Variants in ODF2 observed in about 807,000 individuals in gnomAD.
ODF2 encodes the protein outer dense fiber protein 2.
In ODF2, 47 loss-of-function variants were observed where a neutral mutation model predicts 110.2. That is an observed-to-expected ratio of 0.43 (90% CI 0.34 to 0.54). The LOEUF is 0.54. Ranked by LOEUF, ODF2 falls within the 20% of genes least tolerant of loss-of-function variation. ODF2 has a pLI of 0.03. For synonymous variants in ODF2, 352 were observed against 397.7 expected (o/e 0.89, Z 1.37); for missense variants, 812 against 1,054.5 (o/e 0.77, Z 3.19).
intron 3 of ODF2, among the ~76,000 whole-genome samples, chr9:128,459,889 A>G (rs1835966846): frequency 6.6e-6 from 1 of 152,128 alleles, no homozygotes; most frequent in Non-Finnish European, 1.5e-5. Context: ...GCCAAATCCT[A>G]AAATCTTGAG....
chr9:128,472,834 G>A (rs1242375521), intron 6 of ODF2, 79 bp from the exon 7 acceptor site: 6 of 1,598,134 alleles, frequency 3.8e-6, no homozygotes, highest in Non-Finnish European at 5.1e-6. Flanking sequence ...GAGCCCCCTA[G>A]GGCATTGTGA....
chr9:128,492,583 C>T (rs764530062), intron 15 of ODF2, 47 bp downstream of exon 15: 6 of 1,522,804 alleles, frequency 3.9e-6, no homozygotes, highest in Middle Eastern at 1.7e-4. Context: ...GCCCTCCCTG[C>T]CCCCATCAGA....
intron 1 of ODF2, 68 bp downstream of exon 1, chr9:128,456,323 CACCCCCGGCGCGGTCG>C (rs1834763371): frequency 5.4e-6 from 8 of 1,473,672 alleles, no homozygotes; most frequent in Middle Eastern, 2.4e-4. Flanking sequence ...GTCGCCTTCG[CACCCCCGGCGCGGTCG>C]ACCCCGCGGG....
chr9:128,466,397 G>A lies in ODF2; in HGVS notation c.250-2786G>A, dbSNP rs538785371. On this transcript the variant is annotated intron_variant, in intron 4 of 20. Coordinates refer to ENST00000604420, the Ensembl canonical transcript of ODF2. Reference sequence around the variant, plus strand: ...TGTAAGGATGGGTTGAGCCTGGGAGGCAGAGGTTGCAGTGAACCAAAGTTG... The same window carrying A: ...TGTAAGGATGGGTTGAGCCTGGGAGACAGAGGTTGCAGTGAACCAAAGTTG... Among the ~76,000 whole-genome samples, 12 of 151,794 alleles carry A rather than the reference G, an allele frequency of 7.9e-5. No homozygotes were observed. The East Asian group carries it at 1.2e-3, about 15-fold the overall frequency.
chr9:128,487,447 A>G (rs1843589763), intron 13 of ODF2, among the ~76,000 whole-genome samples: 1 of 152,038 alleles, frequency 6.6e-6, no homozygotes, highest in African/African-American at 2.4e-5. Flanking sequence ...ATATTGAGTG[A>G]TGAGAACGCT....
At chr9:128,456,839 C>A (rs1257178466) in intron 1 of ODF2, 2 of 1,297,258 alleles carry the variant, frequency 1.5e-6, no homozygotes, top group Non-Finnish European at 9.8e-7. Flanking sequence ...CGCGGCGGGG[C>A]GCCCGGGGCC....
Position 128,473,254 on chromosome 9 carries a change from C to A in ODF2, c.711+212C>A, listed in dbSNP as rs372595940. The A allele has an allele frequency of 2.1e-5, 21 of 985,122 alleles. No homozygotes were observed. In the East Asian group the frequency reaches 4.6e-4, roughly 21 times the overall value. 61.0% of individuals were successfully genotyped at this position (985,122 alleles called of 1,614,324 possible). On this transcript the variant is annotated intron_variant, in intron 7 of 20. Coordinates refer to ENST00000604420, the Ensembl canonical transcript of ODF2. ...CTGGTCACCAGGGCCTCTGAGGAGACCTCATCATGGGTCTCCTGGGATCAC... is the reference window on the plus strand; with the variant it reads ...CTGGTCACCAGGGCCTCTGAGGAGAACTCATCATGGGTCTCCTGGGATCAC...
chr9:128,499,996 G>T (rs1380338524), intron 20 of ODF2, 71 bp from the exon 21 acceptor site: 1 of 1,553,872 alleles, frequency 6.4e-7, no homozygotes, highest in African/African-American at 1.4e-5. Context: ...TCCTAAGAAA[G>T]TCCCTATGTC....
intron 1 of ODF2, chr9:128,456,543 CT>C: frequency 1.3e-6 from 2 of 1,527,690 alleles, no homozygotes; most frequent in Non-Finnish European, 1.7e-6. Context: ...ACCTTTCTCT[CT>C]ATGGGCAGAA....
At chr9:128,488,474 G>T (rs551463436) in intron 14 of ODF2, among the ~76,000 whole-genome samples, 9 of 152,260 alleles carry the variant, frequency 5.9e-5, no homozygotes, top group African/African-American at 2.2e-4. Context: ...CTGCTTCCTG[G>T]CTGTAGGACC....
At chr9:128,459,219 G>A (rs1233066712) in intron 2 of ODF2, among the ~76,000 whole-genome samples, 1 of 152,194 alleles carries the variant, frequency 6.6e-6, no homozygotes, top group Non-Finnish European at 1.5e-5. Flanking sequence ...ACTGTCCTGG[G>A]TGCTTCTACC....
rs746339937 is a variant in ODF2, at chr9:128,469,265, A to C, written c.332A>C (p.Glu111Ala). ...ATGCGGTTAAGTGACCTCTCTACAG[A>C]AGATGATGACTCAGGTCACTGTAAA... The change falls in exon 5 of 21, where the codon GAA becomes GCA. Residue 111 changes from glutamate to alanine, a missense_variant. By Grantham distance (107) the Glu-to-Ala change is moderately radical. This residue lies in a region of ODF2 where 219 missense variants were observed against 321.3 expected (regional missense o/e 0.68). Coordinates refer to ENST00000604420, the Ensembl canonical transcript of ODF2. The C allele has an allele frequency of 2.5e-6, 4 of 1,614,126 alleles. No homozygotes were observed. Among genetic ancestry groups the C allele is most frequent in the Non-Finnish European group, 3.4e-6 (4 of 1,179,956 alleles).
intron 11 of ODF2, 39 bp from the exon 12 acceptor site, chr9:128,484,662 T>C: frequency 1.3e-6 from 2 of 1,548,804 alleles, no homozygotes; most frequent in South Asian, 1.2e-5. Flanking sequence ...CCTCCTTGTC[T>C]CTCTTCTCCC....
intron 4 of ODF2, among the ~76,000 whole-genome samples, chr9:128,468,014 G>A (rs900342469): frequency 6.6e-6 from 1 of 151,960 alleles, no homozygotes; most frequent in Non-Finnish European, 1.5e-5. Flanking sequence ...TTTTTATACT[G>A]ACGTATTTAA....
At chr9:128,456,892 T>C (rs1035421189) in intron 1 of ODF2, 15 of 1,281,678 alleles carry the variant, frequency 1.2e-5, no homozygotes, top group Admixed American at 3.5e-5. Context: ...CTATTGGTCC[T>C]CTCGGGCATC....
At chr9:128,468,933 A>G (rs76540416) in intron 4 of ODF2, 5,849 of 465,750 alleles carry the variant, frequency 0.013, 166 homozygotes, top group East Asian at 0.089. Context: ...TATCCAGCCT[A>G]TGTTCTTTAT....
chr9:128,472,797 CT>C, intron 6 of ODF2, 115 bp from the exon 7 acceptor site: 1 of 1,502,738 alleles, frequency 6.7e-7, no homozygotes. Flanking sequence ...TCCCTGCCCC[CT>C]CCCCTACTTT....
intron 18 of ODF2, 69 bp downstream of exon 18, chr9:128,496,210 T>C: frequency 6.2e-7 from 1 of 1,605,352 alleles, no homozygotes; most frequent in Non-Finnish European, 8.5e-7. Flanking sequence ...TTAGCTGTTT[T>C]TTGCTTAGTG....
chr9:128,490,895 G>T (rs1007343917), intron 14 of ODF2, among the ~76,000 whole-genome samples: 1 of 152,048 alleles, frequency 6.6e-6, no homozygotes, highest in East Asian at 1.9e-4. Context: ...CATTTAAGAT[G>T]AATAATTGGG....
Sources: gnomAD v4.1 joint callset for allele counts (sites outside exome capture counted in the v4.1 genomes callset) on GRCh38, gnomAD v4.1.1 for gene constraint, gnomAD v4.1.1 regional missense constraint, MANE v1.5 for transcripts, NCBI Gene and HGNC (gene_info 2026-07-23, HGNC 2026-07-21) for gene names.